TAOK3: variants seen among roughly 807,000 people sequenced by gnomAD.
TAOK3 encodes TAO kinase 3, also known as serine/threonine-protein kinase TAO3.
TAOK3 carries 40 observed loss-of-function variants against 120.4 expected under a neutral mutation model. The ratio of observed to expected loss-of-function variants is 0.33; its 90% CI spans 0.26 to 0.43. TAOK3 has a LOEUF of 0.43. Ranked by LOEUF, TAOK3 falls within the 20% of genes least tolerant of loss-of-function variation. The pLI, the probability that TAOK3 is intolerant of heterozygous loss-of-function variation, is 1.00. For missense variants in TAOK3, 821 were observed against 1,112.1 expected (o/e 0.74, Z 3.72); for synonymous variants, 355 against 387.5 (o/e 0.92, Z 0.99).
intron 13 of TAOK3, among the ~76,000 whole-genome samples, chr12:118,196,782 C>A (rs1399859765): frequency 1.3e-5 from 2 of 152,134 alleles, no homozygotes; most frequent in African/African-American, 4.8e-5. Flanking sequence ...TTATTCCCTG[C>A]CTTCTTTTTG....
At chr12:118,227,945 T>C (rs1318167723) in intron 9 of TAOK3, among the ~76,000 whole-genome samples, 2 of 152,196 alleles carry the variant, frequency 1.3e-5, no homozygotes, top group East Asian at 3.8e-4. Context: ...TTATTCAATA[T>C]TTAAAATGTG....
chr12:118,368,953 G>A (rs2045821746), intron 1 of TAOK3, among the ~76,000 whole-genome samples: 1 of 146,218 alleles, frequency 6.8e-6, no homozygotes, highest in African/African-American at 2.5e-5. Context: ...GAGCTCAGGA[G>A]ATTGAGACCA....
At chr12:118,279,768 GT>G (rs1241593301) in intron 1 of TAOK3, among the ~76,000 whole-genome samples, 145 of 119,644 alleles carry the variant, frequency 1.2e-3, no homozygotes, top group Admixed American at 2.2e-3. Context: ...TTTTATTGTT[GT>G]TTTTTTTTTT....
intron 1 of TAOK3, among the ~76,000 whole-genome samples, chr12:118,352,074 G>A (rs187108441): frequency 4.6e-4 from 69 of 150,716 alleles, no homozygotes; most frequent in African/African-American, 1.5e-3. Flanking sequence ...GGGTTTCACC[G>A]TGTTAGCCAA....
In TAOK3 at chr12:118,172,601, A is replaced by G. The variant is rs1236626163; in HGVS notation, c.1755T>C (p.His585=). Residue 585 remains histidine (H), a synonymous_variant, in exon 17 of 21, where the codon CAT becomes CAC. Transcript: ENST00000392533. The part of the protein sequence containing the change: ...KKEKQERISK[H]KENLQHTQAE... ...CCTGTGTGTGCTGCAAGTTCTCTTT[A>G]TGTTTGGAGATCCGCTCTTGCTTCT... 1.2e-6 allele frequency: 2 copies of G among 1,614,102 alleles called. No homozygotes were observed. The highest frequency in any genetic ancestry group is 2.2e-5 in the South Asian group (2 of 91,072).
chr12:118,294,007 C>T (rs2042582744), intron 1 of TAOK3, among the ~76,000 whole-genome samples: 1 of 151,062 alleles, frequency 6.6e-6, no homozygotes, highest in African/African-American at 2.4e-5. Context: ...AAGAGGGAAA[C>T]TCCATTTCAA....
At chr12:118,287,416 C>T (rs575186231) in intron 1 of TAOK3, among the ~76,000 whole-genome samples, 1 of 152,170 alleles carries the variant, frequency 6.6e-6, no homozygotes, top group South Asian at 2.1e-4. Flanking sequence ...CCATGCCTGG[C>T]TAATTTTTGT....
chr12:118,202,070 C>T (rs139536014), intron 11 of TAOK3, among the ~76,000 whole-genome samples: 1 of 151,614 alleles, frequency 6.6e-6, no homozygotes, highest in Admixed American at 6.6e-5. Flanking sequence ...GTTTATCTCA[C>T]TTAGCATAAT....
chr12:118,348,654 G>A (rs2044988697), intron 1 of TAOK3, among the ~76,000 whole-genome samples: 1 of 151,960 alleles, frequency 6.6e-6, no homozygotes, highest in Non-Finnish European at 1.5e-5. Context: ...GTTTCACCAT[G>A]TTAGCCAGAA....
intron 11 of TAOK3, among the ~76,000 whole-genome samples, chr12:118,205,890 C>CATG (rs2038278411): frequency 6.6e-6 from 1 of 151,642 alleles, no homozygotes; most frequent in Non-Finnish European, 1.5e-5. Context: ...GGATTACAGG[C>CATG]ATGAGCCACA....
At chr12:118,256,025 G>A (rs11068889) in intron 2 of TAOK3, 8,177 of 152,156 alleles carry the variant, frequency 0.054, 453 homozygotes, top group East Asian at 0.24. Flanking sequence ...CTGAGGTTGC[G>A]GTGAGCCGAG....
intron 1 of TAOK3, among the ~76,000 whole-genome samples, chr12:118,330,020 A>G (rs996877633): frequency 1.3e-5 from 2 of 152,226 alleles, no homozygotes; most frequent in African/African-American, 4.8e-5. Context: ...AAATATGTGG[A>G]TATCTTCAAT....
rs138712985 is a variant in TAOK3 at position 118,154,452 on chromosome 12, G to A, written c.2353-2043C>T. ...AAATCCATTAAAAAGTTGTTTTTTC[G>A]TGGTTTTTGAGACAGTCTCACTCAG... is the stretch of plus-strand genomic sequence containing the variant. On this transcript the variant is annotated intron_variant, in intron 19 of 20. Coordinates refer to ENST00000392533, the MANE Select transcript of TAOK3 (RefSeq NM_016281.4). 6.7e-3 allele frequency among the ~76,000 whole-genome samples: 1,012 copies of A among 152,008 alleles called. 6 individuals are homozygous for A. Among genetic ancestry groups the A allele is most frequent in the Admixed American group, 0.015 (229 of 15,264 alleles).
chr12:118,261,544 C>T (rs1156258764), intron 2 of TAOK3: 3 of 152,256 alleles, frequency 2.0e-5, no homozygotes, highest in Non-Finnish European at 4.4e-5. Flanking sequence ...GTCTGTAATC[C>T]TAATGCTTTG....
chr12:118,362,816 G>A (rs1040087016), intron 1 of TAOK3, among the ~76,000 whole-genome samples: 26 of 151,974 alleles, frequency 1.7e-4, no homozygotes, highest in Non-Finnish European at 2.6e-4. Flanking sequence ...TCAGGAGTTC[G>A]AGACCAGCCT....
intron 1 of TAOK3, among the ~76,000 whole-genome samples, chr12:118,292,042 C>T (rs1040278809): frequency 6.6e-6 from 1 of 151,942 alleles, no homozygotes; most frequent in Middle Eastern, 3.4e-3. Context: ...CTCCTGACCT[C>T]GTGATCTGCT....
At chr12:118,351,470 A>G (rs1410917605) in intron 1 of TAOK3, among the ~76,000 whole-genome samples, 2 of 152,234 alleles carry the variant, frequency 1.3e-5, no homozygotes, top group Non-Finnish European at 1.5e-5. Context: ...GGCTGCATCT[A>G]TAGCCAAGCA....
chr12:118,183,388 G>A (rs1024437386), intron 14 of TAOK3, among the ~76,000 whole-genome samples: 11 of 151,932 alleles, frequency 7.2e-5, no homozygotes, highest in African/African-American at 1.2e-4. Context: ...ACTAACACTG[G>A]GTTTCATATT....
intron 9 of TAOK3, among the ~76,000 whole-genome samples, chr12:118,227,417 C>T (rs559822696): frequency 3.3e-5 from 5 of 150,898 alleles, no homozygotes; most frequent in African/African-American, 9.7e-5. Flanking sequence ...GTAGCAACTC[C>T]TCAGTTATGA....
Sources: gnomAD v4.1 joint callset for allele counts (sites outside exome capture counted in the v4.1 genomes callset) on GRCh38, gnomAD v4.1.1 for gene constraint, MANE v1.5 for transcripts, NCBI Gene and HGNC (gene_info 2026-07-23, HGNC 2026-07-21) for gene names.